DYDC1: variants seen among roughly 807,000 people sequenced by gnomAD.
The protein encoded by DYDC1 is DPY30 domain containing 1.
Under a neutral mutation model 27.9 loss-of-function variants are expected in DYDC1, and 21 were observed. The observed-to-expected ratio is 0.75, with a 90% CI of 0.53 to 1.08. DYDC1 has a LOEUF of 1.08. Among genes scored for constraint, DYDC1 ranks in the 50% least tolerant of loss-of-function variants. The probability of loss-of-function intolerance (pLI) is 0.00; values close to 1 mark genes in which losing one functional copy is unlikely to be tolerated. For missense variants in DYDC1, 202 were observed against 205.9 expected (o/e 0.98, Z 0.12); for synonymous variants, 67 against 65.8 (o/e 1.02, Z -0.09).
At chr10:80,350,416 G>C (rs1842917444) in intron 3 of DYDC1, among the ~76,000 whole-genome samples, 1 of 152,212 alleles carries the variant, frequency 6.6e-6, no homozygotes, top group South Asian at 2.1e-4. Flanking sequence ...TATAGGAGCT[G>C]TAAGAGGAAG....
intron 3 of DYDC1, among the ~76,000 whole-genome samples, chr10:80,345,000 T>C (rs1842525435): frequency 6.6e-6 from 1 of 152,128 alleles, no homozygotes; most frequent in Non-Finnish European, 1.5e-5. Flanking sequence ...CTGACAGTGA[T>C]AAAAATACAT....
chr10:80,343,121 C>A (rs902369775), intron 3 of DYDC1, among the ~76,000 whole-genome samples: 12 of 152,116 alleles, frequency 7.9e-5, no homozygotes, highest in African/African-American at 2.7e-4. Flanking sequence ...CCAAAGCCAA[C>A]CCACCTCCTG....
At chr10:80,339,732 G>C (rs1438442422) in intron 4 of DYDC1, among the ~76,000 whole-genome samples, 8 of 152,164 alleles carry the variant, frequency 5.3e-5, no homozygotes, top group Admixed American at 5.2e-4. Context: ...TCATTCTAAA[G>C]CAGCAGGGTG....
At chr10:80,346,312 A>G (rs899877330) in intron 3 of DYDC1, among the ~76,000 whole-genome samples, 2 of 152,144 alleles carry the variant, frequency 1.3e-5, no homozygotes, top group Non-Finnish European at 2.9e-5. Flanking sequence ...ACTGGGTCAT[A>G]TGGTAGCTTT....
chr10:80,340,131 C>T (rs1439720944), intron 4 of DYDC1, among the ~76,000 whole-genome samples: 2 of 152,154 alleles, frequency 1.3e-5, no homozygotes, highest in African/African-American at 4.8e-5. Flanking sequence ...AGTGAAAGAG[C>T]GAAACTAATA....
intron 6 of DYDC1, chr10:80,337,370 G>A (rs1842167892): frequency 1.0e-5 from 10 of 985,330 alleles, no homozygotes; most frequent in Non-Finnish European, 1.1e-5. Context: ...TTAGCACTGA[G>A]TCTGTGCAGC....
At chr10:80,346,429 G>GTGTCTC (rs1388725965) in intron 3 of DYDC1, among the ~76,000 whole-genome samples, 1 of 125,374 alleles carries the variant, frequency 8.0e-6, no homozygotes, top group Admixed American at 8.3e-5. Flanking sequence ...TCACCAATGT[G>GTGTCTC]TGTCTCTTCC....
intron 3 of DYDC1, among the ~76,000 whole-genome samples, chr10:80,349,383 G>T (rs1842855299): frequency 6.6e-6 from 1 of 152,040 alleles, no homozygotes; most frequent in African/African-American, 2.4e-5. Flanking sequence ...TTTCTCTCTT[G>T]TTATTCCTAC....
intron 1 of DYDC1, among the ~76,000 whole-genome samples, chr10:80,355,620 GGA>G (rs1028749769): frequency 2.0e-5 from 3 of 152,066 alleles, no homozygotes; most frequent in African/African-American, 4.8e-5. Context: ...GCAACACAAT[GGA>G]TTATTATGCA....
Position 80,342,346 on chromosome 10 carries a change from G to T in DYDC1, c.265C>A (p.Gln89Lys). 6.2e-7 allele frequency: 1 copy of T among 1,613,440 alleles called. No homozygotes were observed. Among genetic ancestry groups the T allele is most frequent in the Non-Finnish European group, 8.5e-7 (1 of 1,179,882 alleles). ...LLLQQQQLAL[Q>K]LELEMQEKER... The stretch of plus-strand genomic sequence containing the variant: ...TTTTCTTGCATTTCCAACTCTAGCT[G>T]CAATGCCAGCTGTTGCTGAATATTC... The change falls in exon 4 of 7, where the codon CAG (glutamine) becomes AAG (lysine). Residue 89 changes from glutamine (Q) to lysine (K), a missense_variant. Physicochemically the swap from Gln to Lys is moderately conservative, Grantham distance 53. Coordinates refer to ENST00000372202, the MANE Select transcript of DYDC1 (RefSeq NM_001269053.2).
intron 3 of DYDC1, among the ~76,000 whole-genome samples, chr10:80,351,335 C>T (rs991110296): frequency 4.6e-5 from 7 of 151,866 alleles, no homozygotes; most frequent in Non-Finnish European, 7.4e-5. Flanking sequence ...GCTGACCCTA[C>T]GAATCATCCA....
At chr10:80,342,980 C>CAAAAAA (rs55665661) in intron 3 of DYDC1, among the ~76,000 whole-genome samples, 4 of 93,842 alleles carry the variant, frequency 4.3e-5, no homozygotes, top group South Asian at 4.1e-4. Flanking sequence ...GACTCCCTCT[C>CAAAAAA]AAAAAAAAAA....
intron 3 of DYDC1, among the ~76,000 whole-genome samples, chr10:80,345,274 A>G (rs1842543554): frequency 6.6e-6 from 1 of 152,196 alleles, no homozygotes; most frequent in Non-Finnish European, 1.5e-5. Context: ...ATGGCTTAAC[A>G]GTTATATTAT....
chr10:80,350,331 T>TA (rs1842913042), intron 3 of DYDC1, among the ~76,000 whole-genome samples: 2 of 152,192 alleles, frequency 1.3e-5, no homozygotes, highest in Admixed American at 6.5e-5. Context: ...ATCTCCCACT[T>TA]ACGATGTAAT....
At chr10:80,340,479 T>C (rs1842282637) in intron 4 of DYDC1, among the ~76,000 whole-genome samples, 1 of 152,232 alleles carries the variant, frequency 6.6e-6, no homozygotes, top group Non-Finnish European at 1.5e-5. Flanking sequence ...CACAAGCTGA[T>C]GATGTCTGGA....
Position 80,356,753 on chromosome 10 carries a change from G to A in DYDC1, c.-51C>T. On this transcript the variant is annotated 5_prime_UTR_variant, in exon 1 of 7. The change creates a new upstream start codon in the 5' untranslated region. Coordinates refer to ENST00000372202, the MANE Select transcript of DYDC1 (RefSeq NM_001269053.2). Reference sequence around the variant, plus strand: ...GCTCGCCACCCAGGAGCGGCGTCCCGTTGCCAGGCAACGAGAGCTCGCGCC... The same window carrying A: ...GCTCGCCACCCAGGAGCGGCGTCCCATTGCCAGGCAACGAGAGCTCGCGCC... 1.0e-6 allele frequency: 1 copy of A among 985,484 alleles called. No individual in the cohort carries two copies. The highest frequency in any genetic ancestry group is 1.2e-6 in the Non-Finnish European group (1 of 829,978). The allele number at this position is 985,484 out of a possible 1,614,324, so 61.0% of individuals were successfully genotyped here.
chr10:80,340,084 C>T (rs185694388), intron 4 of DYDC1, among the ~76,000 whole-genome samples: 86 of 152,286 alleles, frequency 5.6e-4, no homozygotes, highest in African/African-American at 2.0e-3. Flanking sequence ...GCCGTTAAGG[C>T]CCATGTTCCC....
intron 1 of DYDC1, chr10:80,354,377 T>C (rs1392407786): frequency 6.6e-6 from 1 of 150,738 alleles, no homozygotes; most frequent in African/African-American, 2.4e-5. Context: ...TCCCAGCTAC[T>C]TGGAAGGCTG....
intron 3 of DYDC1, among the ~76,000 whole-genome samples, chr10:80,345,470 A>T (rs1014006008): frequency 6.6e-6 from 1 of 152,192 alleles, no homozygotes; most frequent in African/African-American, 2.4e-5. Context: ...TCCAGTACAC[A>T]ATACAATCTT....
Sources: gnomAD v4.1 joint callset for allele counts (sites outside exome capture counted in the v4.1 genomes callset) on GRCh38, gnomAD v4.1.1 for gene constraint, MANE v1.5 for transcripts, NCBI Gene and HGNC (gene_info 2026-07-23, HGNC 2026-07-21) for gene names.